Variants in SEMA3C observed in about 807,000 individuals in gnomAD.
SEMA3C encodes semaphorin-3C.
In SEMA3C, 47 loss-of-function variants were observed where a neutral mutation model predicts 89.4. The observed-to-expected ratio is 0.53, with a 90% CI of 0.42 to 0.67. The LOEUF is 0.67. Ranked by LOEUF, SEMA3C falls within the 30% of genes least tolerant of loss-of-function variation. The pLI, the probability that SEMA3C is intolerant of heterozygous loss-of-function variation, is 0.00. For missense variants in SEMA3C, 839 were observed against 929.1 expected (o/e 0.90, Z 1.26); for synonymous variants, 310 against 320.2 (o/e 0.97, Z 0.34).
In SEMA3C at chr7:80,852,333, C is replaced by T. The variant is rs148436320; in HGVS notation, c.104-23588G>A. Among the ~76,000 whole-genome samples, 770 of 152,166 alleles carry T rather than the reference C, an allele frequency of 5.1e-3. 8 individuals carry two copies. The highest frequency in any genetic ancestry group is 0.017 in the African/African-American group (721 of 41,512). Reference sequence around the variant, plus strand: ...ATGGTTATCCCCTTGATACAGTAGCCGGTGTCACTTGTTATTCACTTGTCT... The same window carrying T: ...ATGGTTATCCCCTTGATACAGTAGCTGGTGTCACTTGTTATTCACTTGTCT... On this transcript the variant is annotated intron_variant, in intron 2 of 17. Coordinates refer to ENST00000265361, the MANE Select transcript of SEMA3C (RefSeq NM_006379.5).
intron 4 of SEMA3C, among the ~76,000 whole-genome samples, chr7:80,822,994 C>G (rs1057066915): frequency 6.6e-6 from 1 of 152,148 alleles, no homozygotes; most frequent in African/African-American, 2.4e-5. Context: ...TGCATGCTTT[C>G]TTTTCATTGT....
chr7:80,834,116 G>A (rs1394360527), intron 2 of SEMA3C, among the ~76,000 whole-genome samples: 2 of 152,122 alleles, frequency 1.3e-5, no homozygotes, highest in Non-Finnish European at 2.9e-5. Flanking sequence ...CTGGCTGAGA[G>A]TATGTAGTAT....
chr7:80,909,856 GAATTGAGAGGCA>G (rs1792102376), intron 2 of SEMA3C, among the ~76,000 whole-genome samples: 2 of 152,250 alleles, frequency 1.3e-5, no homozygotes, highest in Admixed American at 1.3e-4. Context: ...TTCGCAAAGA[GAATTGAGAGGCA>G]CTTAAAATAT....
chr7:80,918,443 G>A (rs1489179506), intron 1 of SEMA3C: 2 of 152,186 alleles, frequency 1.3e-5, no homozygotes, highest in African/African-American at 4.8e-5. Context: ...TGAAAGCCAA[G>A]TGTCTTAAAT....
chr7:80,910,037 C>T lies in SEMA3C; in HGVS notation c.103+6642G>A, dbSNP rs147610906. 2.0e-5 allele frequency among the ~76,000 whole-genome samples: 3 copies of T among 152,192 alleles called. No homozygotes were observed. In the East Asian group the frequency reaches 5.8e-4, roughly 29 times the overall value. On this transcript the variant is annotated intron_variant, in intron 2 of 17. Coordinates refer to ENST00000265361, the MANE Select transcript of SEMA3C (RefSeq NM_006379.5). The stretch of plus-strand genomic sequence containing the variant: ...AGTTGTTAATACTCATATTAATAGC[C>T]TTGCATTTCTGCAGATTTTGTAACA...
At chr7:80,798,735 G>A (rs925971872) in intron 10 of SEMA3C, among the ~76,000 whole-genome samples, 32 of 152,124 alleles carry the variant, frequency 2.1e-4, no homozygotes, top group African/African-American at 7.2e-4. Context: ...TGTTGTCACG[G>A]TTTAGGTACT....
At chr7:80,905,232 GAGGGAGAGAGAGGGAGAGAT>G (rs1486334749) in intron 2 of SEMA3C, among the ~76,000 whole-genome samples, 25 of 110,790 alleles carry the variant, frequency 2.3e-4, no homozygotes, top group African/African-American at 8.2e-4. Context: ...CAGGGAGAGA[GAGGGAGAGAGAGGGAGAGAT>G]AGGGAGAGAG....
intron 15 of SEMA3C, among the ~76,000 whole-genome samples, 172 bp downstream of exon 15, chr7:80,758,159 T>A (rs1463991592): frequency 6.6e-6 from 1 of 152,156 alleles, no homozygotes; most frequent in Non-Finnish European, 1.5e-5. Context: ...AATCTCAAGT[T>A]ATAACACATT....
chr7:80,809,490 G>A (rs1789418028), intron 6 of SEMA3C, among the ~76,000 whole-genome samples: 1 of 152,192 alleles, frequency 6.6e-6, no homozygotes, highest in Admixed American at 6.5e-5. Flanking sequence ...GTTTTTGGGG[G>A]AATGTTCATA....
intron 11 of SEMA3C, chr7:80,793,516 T>A (rs555569247): frequency 6.9e-6 from 3 of 436,114 alleles, no homozygotes; most frequent in Middle Eastern, 4.5e-4. Context: ...ATAGACATAT[T>A]CAAAGCAAAA....
At chr7:80,822,453 G>A (rs1562891377) in intron 4 of SEMA3C, among the ~76,000 whole-genome samples, 2 of 151,138 alleles carry the variant, frequency 1.3e-5, no homozygotes, top group Non-Finnish European at 3.0e-5. Context: ...ACAGACATGA[G>A]AGTGCAGGAT....
chr7:80,818,339 C>T lies in SEMA3C; in HGVS notation c.407G>A (p.Ser136Asn), dbSNP rs1186545686. The change falls in exon 5 of 18, where the codon AGT becomes AAT. Residue 136 changes from serine (S) to asparagine (N), a missense_variant. Ser to Asn is a conservative substitution (Grantham distance 46). Coordinates refer to ENST00000265361, the MANE Select transcript of SEMA3C (RefSeq NM_006379.5). Reference sequence around the variant, plus strand: ...TCTGTTCAAGTAAGTACAGACAGGACTGAAAGCGCCACTCCCACAGACATA... The same window carrying T: ...TCTGTTCAAGTAAGTACAGACAGGATTGAAAGCGCCACTCCCACAGACATA... ...HLYVCGSGAF[S>N]PVCTYLNRGR... is the part of the protein sequence containing the mutation. 6.2e-7 allele frequency: 1 copy of T among 1,613,472 alleles called. No homozygotes were observed. Among genetic ancestry groups the T allele is most frequent in the Admixed American group, 1.7e-5 (1 of 60,008 alleles).
At chr7:80,768,657 T>C (rs1788360117) in intron 12 of SEMA3C, among the ~76,000 whole-genome samples, 1 of 152,120 alleles carries the variant, frequency 6.6e-6, no homozygotes, top group Non-Finnish European at 1.5e-5. Context: ...AATGGATGCA[T>C]GTGGTTGGAG....
At chr7:80,776,498 T>C (rs1041805036) in intron 12 of SEMA3C, among the ~76,000 whole-genome samples, 1 of 152,182 alleles carries the variant, frequency 6.6e-6, no homozygotes, top group Non-Finnish European at 1.5e-5. Context: ...AGAGCCTACG[T>C]GAACCTTTCT....
intron 17 of SEMA3C, among the ~76,000 whole-genome samples, chr7:80,746,718 G>GGTGTGT (rs5885196): frequency 0.017 from 2,480 of 142,972 alleles, 40 homozygotes; most frequent in African/African-American, 0.046. Context: ...ATTGAAGTGG[G>GGTGTGT]GTGTGTGTGT....
chr7:80,763,723 C>T (rs1788236340), intron 13 of SEMA3C, among the ~76,000 whole-genome samples: 1 of 152,058 alleles, frequency 6.6e-6, no homozygotes. Context: ...GACATTTTTG[C>T]TATCTTCAAG....
At chr7:80,884,400 G>C (rs1035936022) in intron 2 of SEMA3C, among the ~76,000 whole-genome samples, 2 of 152,092 alleles carry the variant, frequency 1.3e-5, no homozygotes, top group Non-Finnish European at 2.9e-5. Context: ...AAAAATGTGA[G>C]ACCCTCATAA....
chr7:80,793,017 T>C (rs982093222), intron 11 of SEMA3C, among the ~76,000 whole-genome samples: 2 of 152,224 alleles, frequency 1.3e-5, no homozygotes, highest in African/African-American at 4.8e-5. Context: ...CGTAAAATAT[T>C]TGTCCACTAA....
At chr7:80,801,219 C>T (rs1789199843) in intron 9 of SEMA3C, among the ~76,000 whole-genome samples, 3 of 151,902 alleles carry the variant, frequency 2.0e-5, no homozygotes, top group Admixed American at 6.6e-5. Context: ...TTCTAAATAT[C>T]CTTTAATGTT....
Sources: gnomAD v4.1 joint callset for allele counts (sites outside exome capture counted in the v4.1 genomes callset) on GRCh38, gnomAD v4.1.1 for gene constraint, MANE v1.5 for transcripts, NCBI Gene and HGNC (gene_info 2026-07-23, HGNC 2026-07-21) for gene names.